SLCO6A1: variants seen among roughly 807,000 people sequenced by gnomAD.
SLCO6A1 encodes solute carrier organic anion transporter family member 6A1, also known as cancer/testis antigen 48.
SLCO6A1 carries 65 observed loss-of-function variants against 72.7 expected under a neutral mutation model. The observed-to-expected ratio is 0.89, with a 90% CI of 0.73 to 1.10. The LOEUF (loss-of-function observed/expected upper bound fraction) is 1.10. Among genes scored for constraint, SLCO6A1 ranks in the 50% least tolerant of loss-of-function variants. The probability of loss-of-function intolerance (pLI) is 0.00; values close to 1 mark genes in which losing one functional copy is unlikely to be tolerated. For synonymous variants in SLCO6A1, 314 were observed against 298.2 expected (o/e 1.05, Z -0.55); for missense variants, 874 against 872.6 (o/e 1.00, Z -0.02).
chr5:102,392,437 A>C (rs1041702389), intron 10 of SLCO6A1, among the ~76,000 whole-genome samples: 6 of 152,014 alleles, frequency 3.9e-5, no homozygotes, highest in Non-Finnish European at 8.8e-5. Flanking sequence ...ATTTAGCATA[A>C]GTAATTTTCT....
chr5:102,438,775 A>G lies in SLCO6A1; in HGVS notation c.1132-14T>C. The G allele has an allele frequency of 6.6e-7, 1 of 1,509,924 alleles. No homozygotes were observed. Among genetic ancestry groups the G allele is most frequent in the Non-Finnish European group, 8.8e-7 (1 of 1,130,344 alleles). The allele number at this position is 1,509,924 out of a possible 1,614,324, so 93.5% of individuals were successfully genotyped here. A position where few individuals can be genotyped will look rare whatever the true frequency, so the allele number is the denominator to read the frequency against. Reference sequence around the variant, plus strand: ...CTTCATCAGAATCTGAAATAAAAATAAGTTATATATCTATTATTTTATTTT... The same window carrying G: ...CTTCATCAGAATCTGAAATAAAAATGAGTTATATATCTATTATTTTATTTT... On this transcript the variant is annotated splice_polypyrimidine_tract_variant and intron_variant, in intron 6 of 13. Transcript: ENST00000506729.
At chr5:102,385,784 G>C (rs1213347708) in intron 12 of SLCO6A1, among the ~76,000 whole-genome samples, 1 of 146,730 alleles carries the variant, frequency 6.8e-6, no homozygotes, top group East Asian at 2.0e-4. Flanking sequence ...TTTGAATTAT[G>C]TGTCAGGCAG....
At chr5:102,382,632 T>C (rs968976330) in intron 12 of SLCO6A1, among the ~76,000 whole-genome samples, 5 of 151,598 alleles carry the variant, frequency 3.3e-5, no homozygotes, top group Admixed American at 2.6e-4. Flanking sequence ...GATATTTCCA[T>C]CTATTAGTGT....
intron 12 of SLCO6A1, among the ~76,000 whole-genome samples, chr5:102,374,547 C>T (rs1745671804): frequency 6.6e-6 from 1 of 152,068 alleles, no homozygotes; most frequent in African/African-American, 2.4e-5. Context: ...GCCTTGGCCT[C>T]TCTAAGTGTA....
chr5:102,487,462 C>T (rs1420987366), intron 1 of SLCO6A1, among the ~76,000 whole-genome samples: 1 of 152,026 alleles, frequency 6.6e-6, no homozygotes, highest in Non-Finnish European at 1.5e-5. Context: ...ATGAAAATAC[C>T]GTAGTACAAA....
chr5:102,399,689 T>A lies in SLCO6A1; in HGVS notation c.1680A>T (p.Glu560Asp). The change falls in exon 10 of 14, where the codon GAA becomes GAT. Residue 560 changes from glutamate to aspartate, a missense_variant. Physicochemically the swap from Glu to Asp is conservative, Grantham distance 45. Coordinates refer to ENST00000506729, the MANE Select transcript of SLCO6A1 (RefSeq NM_173488.5). ...IKEGLITADA[E>D]GDFIDARPGK... Reference sequence around the variant, plus strand: ...CGGGTCTGGCATCAATAAAATCACCTTCTGCATCTGCAGTTATTAATCCTT... The same window carrying A: ...CGGGTCTGGCATCAATAAAATCACCATCTGCATCTGCAGTTATTAATCCTT... 6.2e-7 allele frequency: 1 copy of A among 1,602,340 alleles called. No individual in the cohort carries two copies. The highest frequency in any genetic ancestry group is 8.5e-7 in the Non-Finnish European group (1 of 1,172,358).
rs750043848 is a variant in SLCO6A1, at chr5:102,477,819, C to A, written c.659G>T (p.Ser220Ile). 1 of 1,612,996 alleles carries A rather than the reference C, an allele frequency of 6.2e-7. No homozygotes were observed. The highest frequency in any genetic ancestry group is 1.1e-5 in the South Asian group (1 of 90,886). ...EIKVVSGCQS[S>I]GISFQSKYLS... Reference sequence around the variant, plus strand: ...GTATTTTGATTGGAATGATATACCACTGCTCTGGCAACCACTGACAACCTT... The same window carrying A: ...GTATTTTGATTGGAATGATATACCAATGCTCTGGCAACCACTGACAACCTT... Residue 220 changes from serine to isoleucine, a missense_variant, in exon 3 of 14, where the codon AGT becomes ATT. Physicochemically the swap from Ser to Ile is moderately radical, Grantham distance 142. Transcript: ENST00000506729.
chr5:102,396,400 G>A (rs1329728604), intron 10 of SLCO6A1, among the ~76,000 whole-genome samples: 3 of 152,136 alleles, frequency 2.0e-5, no homozygotes, highest in Non-Finnish European at 2.9e-5. Flanking sequence ...TTTAGCTTGT[G>A]AGGCTAGGCA....
rs767041381 is a variant in SLCO6A1, at chr5:102,480,443, TAAAAAG to T, written c.359-15_359-10del. On this transcript the variant is annotated splice_polypyrimidine_tract_variant and intron_variant, in intron 1 of 13. Transcript: ENST00000506729. ...AAGACCAAACACCACACCTAAAATG[TAAAAAG>T]AAAAAGAGAAAACAACGATATGCAT... 6.3e-7 allele frequency: 1 copy of T among 1,590,138 alleles called. No individual in the cohort carries two copies.
At position 102,415,880 on chromosome 5, in the gene SLCO6A1, A is replaced by C. The variant is rs1748255172; in HGVS notation, c.1473-2737T>G. 2.0e-5 allele frequency among the ~76,000 whole-genome samples: 3 copies of C among 152,204 alleles called. No individual in the cohort carries two copies. In the South Asian group the frequency reaches 6.2e-4, roughly 32 times the overall value. ...AACAAAAACCCCCACAAATAATTTCACTGAAAGGGGGCAAATGACATGAAT... is the reference window on the plus strand; with the variant it reads ...AACAAAAACCCCCACAAATAATTTCCCTGAAAGGGGGCAAATGACATGAAT... On this transcript the variant is annotated intron_variant, in intron 8 of 13. Coordinates refer to ENST00000506729, the MANE Select transcript of SLCO6A1 (RefSeq NM_173488.5).
At chr5:102,452,846 G>A (rs921292756) in intron 6 of SLCO6A1, among the ~76,000 whole-genome samples, 7 of 152,114 alleles carry the variant, frequency 4.6e-5, no homozygotes, top group African/African-American at 1.7e-4. Flanking sequence ...GGTGACATAT[G>A]ATTTCTTTGT....
chr5:102,431,089 C>A (rs996284959), intron 7 of SLCO6A1, among the ~76,000 whole-genome samples: 2 of 151,992 alleles, frequency 1.3e-5, no homozygotes, highest in African/African-American at 4.8e-5. Flanking sequence ...TGTAAAGGTG[C>A]TCATAGTAGT....
At chr5:102,379,783 A>AAG (rs1746010907) in intron 12 of SLCO6A1, among the ~76,000 whole-genome samples, 1 of 151,728 alleles carries the variant, frequency 6.6e-6, no homozygotes, top group African/African-American at 2.4e-5. Context: ...CAAAAAAAAA[A>AAG]AAAAAAATTT....
intron 8 of SLCO6A1, among the ~76,000 whole-genome samples, chr5:102,415,949 T>C (rs12658397): frequency 0.28 from 43,328 of 152,084 alleles, 6,401 homozygotes; most frequent in South Asian, 0.35. Flanking sequence ...AACAGGTGTA[T>C]GACAAATGCT....
chr5:102,449,236 T>C (rs1580447121), intron 6 of SLCO6A1, among the ~76,000 whole-genome samples: 1 of 152,166 alleles, frequency 6.6e-6, no homozygotes, highest in African/African-American at 2.4e-5. Flanking sequence ...GGTCTACCGT[T>C]AGCTTGATGG....
chr5:102,434,925 T>C (rs754258024), intron 7 of SLCO6A1, among the ~76,000 whole-genome samples: 1 of 152,204 alleles, frequency 6.6e-6, no homozygotes, highest in Non-Finnish European at 1.5e-5. Flanking sequence ...ATAGCCACTA[T>C]GAGCAGAGAC....
chr5:102,451,503 C>A lies in SLCO6A1; in HGVS notation c.1131+6879G>T, dbSNP rs551512978. On this transcript the variant is annotated intron_variant, in intron 6 of 13. Coordinates refer to ENST00000506729, the MANE Select transcript of SLCO6A1 (RefSeq NM_173488.5). ...AGGAGTCCATTGCCCTGGGATTTGG[C>A]ATGTACCTGAACAGCAGCTCTGCAC... Among the ~76,000 whole-genome samples the A allele has an allele frequency of 1.1e-4, 16 of 152,292 alleles. No homozygotes were observed. In the South Asian group the frequency reaches 3.3e-3, roughly 32 times the overall value.
intron 6 of SLCO6A1, among the ~76,000 whole-genome samples, chr5:102,444,444 A>G (rs757780841): frequency 6.6e-6 from 1 of 152,112 alleles, no homozygotes; most frequent in African/African-American, 2.4e-5. Flanking sequence ...GAGACCAATA[A>G]ATCACTCTGT....
In SLCO6A1 at chr5:102,382,903, G is replaced by A. The variant is rs190349164; in HGVS notation, c.2017+5785C>T. 2.3e-3 allele frequency among the ~76,000 whole-genome samples: 336 copies of A among 148,854 alleles called. 3 individuals are homozygous for A. The highest frequency in any genetic ancestry group is 7.7e-3 in the African/African-American group (313 of 40,746). On this transcript the variant is annotated intron_variant, in intron 12 of 13. Coordinates refer to ENST00000506729, the MANE Select transcript of SLCO6A1 (RefSeq NM_173488.5). The stretch of plus-strand genomic sequence containing the variant: ...GAGATTCATACATATATGTGTGTTC[G>A]TATATACATATATATACATGAGATA...
Sources: allele counts gnomAD v4.1 joint callset (sites outside exome capture counted in the v4.1 genomes callset), GRCh38; gene constraint gnomAD v4.1.1; transcripts MANE v1.5; gene names NCBI Gene and HGNC (gene_info 2026-07-23, HGNC 2026-07-21).